SLC39A11: variants seen among roughly 807,000 people sequenced by gnomAD.
SLC39A11 encodes the protein solute carrier family 39 member 11.
In SLC39A11, 33 loss-of-function variants were observed where a neutral mutation model predicts 36.1. The observed-to-expected ratio is 0.91, with a 90% CI of 0.69 to 1.22. The LOEUF (loss-of-function observed/expected upper bound fraction) is 1.22, where lower values mean the gene tolerates loss of function less well. Ranked by LOEUF, SLC39A11 falls within the 50% of genes most tolerant of loss-of-function variation. SLC39A11 has a pLI of 0.00. For missense variants in SLC39A11, 432 were observed against 430.3 expected (o/e 1.00, Z -0.03); for synonymous variants, 166 against 170.3 (o/e 0.97, Z 0.20).
intron 4 of SLC39A11, among the ~76,000 whole-genome samples, chr17:73,026,116 C>T (rs1451815111): frequency 6.8e-6 from 1 of 146,668 alleles, no homozygotes. Flanking sequence ...AGATCCACCT[C>T]GGAAGAGAGA....
Position 72,849,777 on chromosome 17 carries a change from T to G in SLC39A11, c.458A>C (p.Gln153Pro). The G allele has an allele frequency of 6.3e-7, 1 of 1,585,326 alleles. No individual in the cohort carries two copies. Residue 153 changes from glutamine to proline, a missense_variant, in exon 6 of 10, where the codon CAG becomes CCG. Coordinates refer to ENST00000255559, the MANE Select transcript of SLC39A11 (RefSeq NM_139177.4). ...IDKSENGEAY[Q>P]RKKAAATGLP... ...GCCAGTGGCTGCCGCCTTCTTTCTC[T>G]GATATGCCTCACCATTCTCACTCTT...
At position 72,866,314 on chromosome 17, in the gene SLC39A11, G is replaced by A. The variant is rs574435998; in HGVS notation, c.431-16510C>T. ...TCACTGCCTCCCATTACCCCCAGAT[G>A]GGACCATTTAGTTGCAGGAAAACAA... On this transcript the variant is annotated intron_variant, in intron 5 of 9. Coordinates refer to ENST00000255559, the MANE Select transcript of SLC39A11 (RefSeq NM_139177.4). Among the ~76,000 whole-genome samples the A allele has an allele frequency of 8.5e-5, 13 of 152,226 alleles. No individual in the cohort carries two copies. In the South Asian group the frequency reaches 2.5e-3, roughly 29 times the overall value.
At chr17:72,923,812 A>G (rs928467523) in intron 5 of SLC39A11, among the ~76,000 whole-genome samples, 3 of 152,124 alleles carry the variant, frequency 2.0e-5, no homozygotes, top group Admixed American at 1.3e-4. Flanking sequence ...GGGACTTAAC[A>G]ATTGCAAGAT....
intron 3 of SLC39A11, among the ~76,000 whole-genome samples, chr17:73,048,983 T>G (rs944690463): frequency 2.0e-5 from 3 of 152,116 alleles, no homozygotes; most frequent in African/African-American, 7.2e-5. Context: ...ACACAACAAA[T>G]GACAAAGGGG....
At chr17:72,714,303 C>T (rs1303021393) in intron 7 of SLC39A11, among the ~76,000 whole-genome samples, 1 of 152,084 alleles carries the variant, frequency 6.6e-6, no homozygotes, top group Middle Eastern at 3.2e-3. Context: ...TTGCAGTGAG[C>T]TGAGATCACG....
At chr17:72,690,719 G>C (rs1384893285) in intron 7 of SLC39A11, among the ~76,000 whole-genome samples, 2 of 152,200 alleles carry the variant, frequency 1.3e-5, no homozygotes, top group African/African-American at 4.8e-5. Context: ...CCCTGTGGTG[G>C]TGGGATGGAA....
In SLC39A11 at chr17:72,947,789, C is replaced by A. The variant is rs767452135; in HGVS notation, c.393G>T (p.Ala131=). 1 of 1,614,124 alleles carries A rather than the reference C, an allele frequency of 6.2e-7. No individual in the cohort carries two copies. The highest frequency in any genetic ancestry group is 1.7e-5 in the Admixed American group (1 of 60,026). ...MKKKSDPEGP[A]LLFPESELSI... Reference sequence around the variant, plus strand: ...AAAGTTCACTCTCAGGGAAGAGCAGCGCGGGACCCTCAGGATCAGACTTCT... The same window carrying A: ...AAAGTTCACTCTCAGGGAAGAGCAGAGCGGGACCCTCAGGATCAGACTTCT... The change falls in exon 5 of 10, where the codon GCG becomes GCT. Residue 131 remains alanine (A), a synonymous_variant. Transcript: ENST00000255559.
chr17:72,655,947 G>A (rs1286216415), intron 7 of SLC39A11, among the ~76,000 whole-genome samples: 1 of 152,094 alleles, frequency 6.6e-6, no homozygotes, highest in Non-Finnish European at 1.5e-5. Context: ...CCTCCCGGGG[G>A]GCTGGTGGCG....
intron 5 of SLC39A11, among the ~76,000 whole-genome samples, chr17:72,930,368 G>A (rs1317372432): frequency 6.6e-6 from 1 of 152,188 alleles, no homozygotes; most frequent in Non-Finnish European, 1.5e-5. Flanking sequence ...AGGCTCTGAA[G>A]TCTTGGTCAG....
Position 72,685,303 on chromosome 17 carries a change from GGT to G in SLC39A11, c.672-36037_672-36036del, listed in dbSNP as rs574247028. 1.6e-4 allele frequency among the ~76,000 whole-genome samples: 8 copies of G among 51,088 alleles called. No homozygotes were observed. The South Asian group carries it at 2.9e-3, about 19-fold the overall frequency. 33.5% of individuals were successfully genotyped at this position (51,088 alleles called of 152,430 possible). On this transcript the variant is annotated intron_variant, in intron 7 of 9. Transcript: ENST00000255559. The stretch of plus-strand genomic sequence containing the variant: ...TCAGGGGAGGACCTCGTTTAGGAAG[GGT>G]GTTTAGAGGCGGACTCTTTGAAAAG...
intron 7 of SLC39A11, among the ~76,000 whole-genome samples, chr17:72,691,887 T>C (rs1201581978): frequency 6.6e-6 from 1 of 152,156 alleles, no homozygotes; most frequent in Admixed American, 6.5e-5. Context: ...TTTAGCACTA[T>C]ATAGGATATG....
chr17:72,755,337 G>A lies in SLC39A11; in HGVS notation c.602-18618C>T, dbSNP rs1279187945. ...GAAATCAGGAGGCGAAGGCCATATA[G>A]CAATGGAGGGACTGGGCAGAGAAGG... On this transcript the variant is annotated intron_variant, in intron 6 of 9. Coordinates refer to ENST00000255559, the MANE Select transcript of SLC39A11 (RefSeq NM_139177.4). Among the ~76,000 whole-genome samples, 6 of 152,386 alleles carry A rather than the reference G, an allele frequency of 3.9e-5. No homozygotes were observed. In the East Asian group the frequency reaches 7.7e-4, roughly 20 times the overall value.
intron 5 of SLC39A11, among the ~76,000 whole-genome samples, chr17:72,881,508 A>C (rs1433230156): frequency 1.3e-5 from 2 of 152,200 alleles, no homozygotes; most frequent in African/African-American, 2.4e-5. Context: ...TTTCTGTAGG[A>C]TTTCCAGAGC....
At chr17:72,731,423 G>C (rs111954524) in intron 7 of SLC39A11, among the ~76,000 whole-genome samples, 6,348 of 152,256 alleles carry the variant, frequency 0.042, 167 homozygotes, top group South Asian at 0.08. Flanking sequence ...GGTGGGAGGT[G>C]ATTTGATCAT....
chr17:72,882,553 T>C (rs1230794896), intron 5 of SLC39A11, among the ~76,000 whole-genome samples: 1 of 152,096 alleles, frequency 6.6e-6, no homozygotes, highest in Non-Finnish European at 1.5e-5. Flanking sequence ...CTTTGACTAC[T>C]TCAGGACCGA....
At chr17:72,669,935 CGT>C (rs2070924790) in intron 7 of SLC39A11, among the ~76,000 whole-genome samples, 1 of 146,064 alleles carries the variant, frequency 6.8e-6, no homozygotes, top group Non-Finnish European at 1.5e-5. Flanking sequence ...CACATATATA[CGT>C]ATAGATGTAT....
intron 6 of SLC39A11, among the ~76,000 whole-genome samples, chr17:72,787,654 A>G (rs891700674): frequency 6.6e-6 from 1 of 152,192 alleles, no homozygotes; most frequent in Non-Finnish European, 1.5e-5. Context: ...TATTCAGTCT[A>G]TCATATACTC....
chr17:73,000,828 T>C (rs2089780127), intron 4 of SLC39A11, among the ~76,000 whole-genome samples: 1 of 152,216 alleles, frequency 6.6e-6, no homozygotes, highest in Non-Finnish European at 1.5e-5. Context: ...ACATTTTTGC[T>C]TTGCTAGTTG....
At chr17:72,749,267 G>A (rs552704251) in intron 6 of SLC39A11, among the ~76,000 whole-genome samples, 10 of 152,294 alleles carry the variant, frequency 6.6e-5, no homozygotes, top group African/African-American at 2.2e-4. Context: ...CAATGAAGCC[G>A]TGGTGTAGAA....
Sources: allele counts gnomAD v4.1 joint callset (sites outside exome capture counted in the v4.1 genomes callset), GRCh38; gene constraint gnomAD v4.1.1; transcripts MANE v1.5; gene names NCBI Gene and HGNC (gene_info 2026-07-23, HGNC 2026-07-21).